ELFN2: variants seen among roughly 807,000 people sequenced by gnomAD.
ELFN2 encodes extracellular leucine rich repeat and fibronectin type III domain containing 2.
ELFN2 carries 17 observed loss-of-function variants against 45.5 expected under a neutral mutation model. The ratio of observed to expected loss-of-function variants is 0.37; its 90% CI spans 0.26 to 0.56. The LOEUF (loss-of-function observed/expected upper bound fraction) is 0.56, where lower values mean the gene tolerates loss of function less well. Among genes scored for constraint, ELFN2 ranks in the 20% least tolerant of loss-of-function variants. The probability of loss-of-function intolerance (pLI) is 0.77; values close to 1 mark genes in which losing one functional copy is unlikely to be tolerated. For synonymous variants in ELFN2, 550 were observed against 551.5 expected, an observed-to-expected ratio of 1.00 and a Z score of 0.04; for missense variants, 922 against 1,183.2, an observed-to-expected ratio of 0.78 and a Z score of 3.24.
intron 2 of ELFN2, among the ~76,000 whole-genome samples, chr22:37,376,809 C>T (rs1462830851): frequency 6.6e-6 from 1 of 152,212 alleles, no homozygotes; most frequent in Admixed American, 6.5e-5. Flanking sequence ...TTCCCTGGAG[C>T]ACCTTGATCC....
chr22:37,422,397 G>A (rs566646210), intron 1 of ELFN2, among the ~76,000 whole-genome samples: 3 of 151,906 alleles, frequency 2.0e-5, no homozygotes, highest in African/African-American at 4.8e-5. Flanking sequence ...TTGTTTTTTG[G>A]TTGTTTTATT....
At chr22:37,402,085 T>G (rs1385521346) in intron 2 of ELFN2, among the ~76,000 whole-genome samples, 2 of 152,158 alleles carry the variant, frequency 1.3e-5, no homozygotes, top group Non-Finnish European at 2.9e-5. Context: ...AATTGCCTCA[T>G]CTATGAAGTA....
intron 1 of ELFN2, among the ~76,000 whole-genome samples, chr22:37,418,679 C>G (rs1216630481): frequency 6.6e-6 from 1 of 151,982 alleles, no homozygotes; most frequent in Non-Finnish European, 1.5e-5. Flanking sequence ...GCCGCCCAAC[C>G]CCATCGTCAG....
intron 2 of ELFN2, among the ~76,000 whole-genome samples, chr22:37,379,044 G>A (rs1457629416): frequency 2.0e-5 from 3 of 152,220 alleles, no homozygotes; most frequent in South Asian, 2.1e-4. Flanking sequence ...CCCAGGTGGT[G>A]AGAGACGGGA....
intron 2 of ELFN2, among the ~76,000 whole-genome samples, chr22:37,405,373 A>G (rs1344476671): frequency 6.6e-6 from 1 of 152,000 alleles, no homozygotes; most frequent in African/African-American, 2.4e-5. Context: ...GATTACAGGC[A>G]TGAGCCACCA....
intron 2 of ELFN2, among the ~76,000 whole-genome samples, chr22:37,381,900 G>A (rs1221733578): frequency 6.9e-6 from 1 of 145,592 alleles, no homozygotes; most frequent in Non-Finnish European, 1.5e-5. Context: ...AGCGTGCAGT[G>A]AGCCGAGATC....
chr22:37,422,201 G>C (rs133730), intron 1 of ELFN2, among the ~76,000 whole-genome samples: 41,986 of 151,886 alleles, frequency 0.28, 6,845 homozygotes, highest in Non-Finnish European at 0.36. Flanking sequence ...GAAAGAAACA[G>C]ACACATGCAT....
intron 2 of ELFN2, among the ~76,000 whole-genome samples, chr22:37,398,039 G>A (rs538506477): frequency 7.2e-5 from 11 of 152,260 alleles, no homozygotes; most frequent in African/African-American, 1.4e-4. Flanking sequence ...AATAACAGCC[G>A]AACATCTTCC....
intron 2 of ELFN2, among the ~76,000 whole-genome samples, chr22:37,392,899 A>G (rs1042650670): frequency 6.6e-6 from 1 of 152,194 alleles, no homozygotes; most frequent in Non-Finnish European, 1.5e-5. Flanking sequence ...GGCCTTCAGG[A>G]GCCCCATTAA....
chr22:37,348,996 T>C (rs778998362), intron 1 of ELFN2, among the ~76,000 whole-genome samples: 35 of 150,978 alleles, frequency 2.3e-4, no homozygotes, highest in Middle Eastern at 3.2e-3. Context: ...TGCTGAGCGT[T>C]TAGTGCATGC....
chr22:37,390,552 G>A (rs1375521588), intron 2 of ELFN2, among the ~76,000 whole-genome samples: 1 of 152,152 alleles, frequency 6.6e-6, no homozygotes, highest in African/African-American at 2.4e-5. Flanking sequence ...TCCCCATGGG[G>A]GTGAGCTCTG....
At chr22:37,363,373 C>T (rs1931131113), downstream of ELFN2, among the ~76,000 whole-genome samples, 2 of 152,156 alleles carry the variant, frequency 1.3e-5, no homozygotes, top group Admixed American at 1.3e-4. Flanking sequence ...CCCCCTAGAC[C>T]ATTGCAGATT....
At chr22:37,345,079 C>T (rs141676650) in intron 1 of ELFN2, among the ~76,000 whole-genome samples, 9 of 152,376 alleles carry the variant, frequency 5.9e-5, no homozygotes, top group African/African-American at 2.2e-4. Context: ...GCACCAGGCA[C>T]TGCCCCCATC....
chr22:37,374,633 A>T lies in ELFN2; in HGVS notation c.902T>A (p.Leu301Gln). Reference protein sequence around the residue: ...TDASAGPAIKLHHVTFTSATL... With the variant: ...TDASAGPAIKQHHVTFTSATL... ...GGCCGAGGTGAACGTGACGTGGTGC[A>T]GCTTGATGGCTGGCCCTGCCGACGC... The change falls in exon 3 of 3, where the codon CTG (leucine) becomes CAG (glutamine). Residue 301 changes from leucine to glutamine, a missense_variant. Coordinates refer to ENST00000402918, the MANE Select transcript of ELFN2 (RefSeq NM_052906.5). 6.2e-7 allele frequency: 1 copy of T among 1,614,074 alleles called. No individual in the cohort carries two copies. The highest frequency in any genetic ancestry group is 8.5e-7 in the Non-Finnish European group (1 of 1,179,914).
intron 1 of ELFN2, among the ~76,000 whole-genome samples, chr22:37,359,175 G>A (rs1257559957): frequency 6.6e-6 from 1 of 152,176 alleles, no homozygotes; most frequent in Non-Finnish European, 1.5e-5. Context: ...AGGCCACCCG[G>A]CAGGGAATTG....
intron 1 of ELFN2, among the ~76,000 whole-genome samples, chr22:37,344,153 CATGCCCCCACCCATGCCCCG>C (rs1930636037): frequency 1.2e-5 from 1 of 82,202 alleles, no homozygotes; most frequent in African/African-American, 5.4e-5. Flanking sequence ...CCCACCTGCC[CATGCCCCCACCCATGCCCCG>C]TGCCCAACCC....
downstream of ELFN2, among the ~76,000 whole-genome samples, chr22:37,364,642 C>T (rs1046735598): frequency 3.9e-5 from 6 of 152,158 alleles, no homozygotes; most frequent in Admixed American, 6.5e-5. Context: ...ATGAGTGCCA[C>T]GCTGTGACAC....
At position 37,374,559 on chromosome 22, in the gene ELFN2, C is replaced by T. The variant is rs763718944; in HGVS notation, c.976G>A (p.Val326Met). 13 of 1,614,200 alleles carry T rather than the reference C, an allele frequency of 8.1e-6. No homozygotes were observed. Among genetic ancestry groups the T allele is most frequent in the Admixed American group, 1.7e-5 (1 of 60,028 alleles). Reference sequence around the variant, plus strand: ...GAGAAGTAGCTGTTGTTGTACTGCACGAGGATGTACATCTTGCTGTAGGGG... The same window carrying T: ...GAGAAGTAGCTGTTGTTGTACTGCATGAGGATGTACATCTTGCTGTAGGGG... Reference protein sequence around the residue: ...PHPYSKMYILVQYNNSYFSDV... With the variant: ...PHPYSKMYILMQYNNSYFSDV... Residue 326 changes from valine to methionine, a missense_variant, in exon 3 of 3, where the codon GTG (valine) becomes ATG (methionine). By Grantham distance (21) the Val-to-Met change is conservative. Transcript: ENST00000402918.
At chr22:37,352,189 G>A (rs1241076367) in intron 1 of ELFN2, 2 of 151,000 alleles carry the variant, frequency 1.3e-5, no homozygotes, top group Non-Finnish European at 3.0e-5. Flanking sequence ...CAACTCAATC[G>A]TTTTCTTTCG....
Sources: gnomAD v4.1 joint callset for allele counts (sites outside exome capture counted in the v4.1 genomes callset) on GRCh38, gnomAD v4.1.1 for gene constraint, MANE v1.5 for transcripts, NCBI Gene and HGNC (gene_info 2026-07-23, HGNC 2026-07-21) for gene names.